The following GOLT1B variants were observed in gnomAD, a reference collection of about 807,000 sequenced individuals.
GOLT1B encodes golgi transport 1B, also known as vesicle transport protein GOT1B.
A neutral mutation model predicts 15.4 loss-of-function variants in GOLT1B; 3 were observed. That is an observed-to-expected ratio of 0.19 (90% confidence interval 0.09 to 0.50). The LOEUF (loss-of-function observed/expected upper bound fraction) is 0.50. GOLT1B is among the 20% of genes least tolerant of loss of function. The pLI, the probability that GOLT1B is intolerant of heterozygous loss-of-function variation, is 0.97. For synonymous variants in GOLT1B, 65 were observed against 56.2 expected (o/e 1.16, Z -0.70); for missense variants, 145 against 160.4 (o/e 0.90, Z 0.52).
At chr12:21,505,465 A>G (rs1011922200) in intron 1 of GOLT1B, among the ~76,000 whole-genome samples, 3 of 152,148 alleles carry the variant, frequency 2.0e-5, no homozygotes, top group Admixed American at 6.5e-5. Context: ...ATCAGCCTCA[A>G]ATTTTCATAG....
At chr12:21,509,673 T>C (rs988924768) in intron 3 of GOLT1B, among the ~76,000 whole-genome samples, 5 of 152,088 alleles carry the variant, frequency 3.3e-5, no homozygotes, top group Non-Finnish European at 7.4e-5. Context: ...GATTAAAAAA[T>C]TAGTAAATTC....
intron 4 of GOLT1B, chr12:21,515,148 C>T (rs1345788761): frequency 1.5e-6 from 1 of 653,240 alleles, no homozygotes; most frequent in African/African-American, 1.8e-5. Flanking sequence ...CACTTTCAAT[C>T]CAAAGTCCAG....
chr12:21,508,518 A>G lies in GOLT1B; in HGVS notation c.253A>G (p.Ile85Val). 3 of 1,588,922 alleles carry G rather than the reference A, an allele frequency of 1.9e-6. No homozygotes were observed. Among genetic ancestry groups the G allele is most frequent in the Non-Finnish European group, 2.6e-6 (3 of 1,159,458 alleles). Residue 85 changes from isoleucine (I) to valine (V), a missense_variant, in exon 3 of 5, where the codon ATA (isoleucine) becomes GTA (valine). Coordinates refer to ENST00000229314, the MANE Select transcript of GOLT1B (RefSeq NM_016072.5). ...VFVVLIGWPL[I>V]GMIFEIYGFF... ...TGTAGTCCTTATTGGTTGGCCTTTGATAGGCATGATCTTCGAAATTTATGG... is the reference window on the plus strand; with the variant it reads ...TGTAGTCCTTATTGGTTGGCCTTTGGTAGGCATGATCTTCGAAATTTATGG...
chr12:21,508,655 T>C (rs1253297734), intron 3 of GOLT1B, 94 bp downstream of exon 3: 1 of 690,492 alleles, frequency 1.4e-6, no homozygotes, highest in East Asian at 2.7e-5. Flanking sequence ...AAGATGATGA[T>C]CATTTCCTTA....
At chr12:21,508,889 G>GTAGATAGA (rs60378515) in intron 3 of GOLT1B, among the ~76,000 whole-genome samples, 3,496 of 65,356 alleles carry the variant, frequency 0.053, 68 homozygotes, top group Admixed American at 0.072. Flanking sequence ...AGGTAGGTAG[G>GTAGATAGA]TAGATAGATA....
At chr12:21,515,278 GA>G in intron 4 of GOLT1B, 1 of 1,390,054 alleles carries the variant, frequency 7.2e-7, no homozygotes, top group Non-Finnish European at 9.8e-7. Flanking sequence ...ATGGTCAGTT[GA>G]AATATCTTAT....
intron 3 of GOLT1B, 75 bp from the exon 4 acceptor site, chr12:21,512,219 CT>C: frequency 1.3e-6 from 1 of 786,358 alleles, no homozygotes; most frequent in South Asian, 1.5e-5. Context: ...AGGATACTTT[CT>C]TTTTCCTTGG....
intron 4 of GOLT1B, among the ~76,000 whole-genome samples, chr12:21,513,285 C>T (rs540843563): frequency 1.3e-5 from 2 of 152,152 alleles, no homozygotes; most frequent in African/African-American, 4.8e-5. Context: ...AGAGTTTCTT[C>T]CTTTTATTCA....
intron 3 of GOLT1B, among the ~76,000 whole-genome samples, chr12:21,508,919 A>AGATAGATAGATAGAGC (rs1555149887): frequency 6.6e-6 from 1 of 151,272 alleles, no homozygotes; most frequent in Admixed American, 6.6e-5. Context: ...ATAGATAGAT[A>AGATAGATAGATAGAGC]GATCCAGCAT....
intron 2 of GOLT1B, among the ~76,000 whole-genome samples, chr12:21,507,512 GTA>G (rs1276956828): frequency 2.9e-5 from 2 of 69,706 alleles, no homozygotes; most frequent in Non-Finnish European, 2.8e-5. Flanking sequence ...TGAAGACACT[GTA>G]TGTGTGTGTG....
At position 21,515,289 on chromosome 12, in the gene GOLT1B, T is replaced by C. The variant is rs529191964; in HGVS notation, c.379-380T>C. Reference sequence around the variant, plus strand: ...AGTAATGGTCAGTTGAAATATCTTATTGGGTTCATTAATGCATGAATGGCT... The same window carrying C: ...AGTAATGGTCAGTTGAAATATCTTACTGGGTTCATTAATGCATGAATGGCT... On this transcript the variant is annotated intron_variant, in intron 4 of 4. Coordinates refer to ENST00000229314, the MANE Select transcript of GOLT1B (RefSeq NM_016072.5). 3.0e-5 allele frequency: 39 copies of C among 1,302,120 alleles called. No individual in the cohort carries two copies. In the Admixed American group the frequency reaches 3.8e-4, roughly 13 times the overall value. 80.7% of individuals were successfully genotyped at this position (1,302,120 alleles called of 1,614,324 possible). A position where few individuals can be genotyped will look rare whatever the true frequency, so the allele number is the denominator to read the frequency against.
intron 1 of GOLT1B, among the ~76,000 whole-genome samples, chr12:21,502,410 G>A (rs1230748202): frequency 5.9e-5 from 9 of 152,190 alleles, no homozygotes; most frequent in Non-Finnish European, 1.2e-4. Context: ...GTCACCTACA[G>A]TAGGCTCTTT....
Position 21,516,453 on chromosome 12 carries a change from C to T in GOLT1B, c.*746C>T, listed in dbSNP as rs573338250. On this transcript the variant is annotated 3_prime_UTR_variant, in exon 5 of 5. Coordinates refer to ENST00000229314, the MANE Select transcript of GOLT1B (RefSeq NM_016072.5). ...AAGTATCTGTCTATATCATTCATTACGTGTAAGTATTTAACAAAAAAGCAT... is the reference window on the plus strand; with the variant it reads ...AAGTATCTGTCTATATCATTCATTATGTGTAAGTATTTAACAAAAAAGCAT... 1.3e-5 allele frequency: 2 copies of T among 152,052 alleles called. No homozygotes were observed. Among genetic ancestry groups the T allele is most frequent in the East Asian group, 1.9e-4 (1 of 5,190 alleles). 9.4% of individuals were successfully genotyped at this position (152,052 alleles called of 1,614,324 possible).
chr12:21,510,005 G>T (rs991182250), intron 3 of GOLT1B, among the ~76,000 whole-genome samples: 1 of 152,110 alleles, frequency 6.6e-6, no homozygotes, highest in South Asian at 2.1e-4. Context: ...CGGGGGAGTG[G>T]GGCACAGAGG....
chr12:21,510,600 C>T (rs904591472), intron 3 of GOLT1B, among the ~76,000 whole-genome samples: 1 of 152,046 alleles, frequency 6.6e-6, no homozygotes, highest in Non-Finnish European at 1.5e-5. Flanking sequence ...TGTTGTTTTT[C>T]TAGATATTTA....
At chr12:21,514,837 CATG>C (rs371122159) in intron 4 of GOLT1B, among the ~76,000 whole-genome samples, 160 of 152,126 alleles carry the variant, frequency 1.1e-3, no homozygotes, top group African/African-American at 3.7e-3. Flanking sequence ...CGTTATTCAT[CATG>C]ATAAGTGCTT....
intron 1 of GOLT1B, chr12:21,504,710 T>C (rs933872425): frequency 4.7e-6 from 2 of 425,240 alleles, no homozygotes; most frequent in Non-Finnish European, 9.5e-6. Context: ...TGCTACCTTT[T>C]ACCTCACAAT....
chr12:21,503,875 C>CA (rs35985504), intron 1 of GOLT1B, among the ~76,000 whole-genome samples: 150,606 of 152,236 alleles, frequency 0.99, 74,522 homozygotes, highest in East Asian at 1. Flanking sequence ...CTCACCGCCC[C>CA]AAAAAAGACA....
chr12:21,515,154 T>C lies in GOLT1B; in HGVS notation c.379-515T>C, dbSNP rs955790064. 1.4e-5 allele frequency: 10 copies of C among 691,812 alleles called. No individual in the cohort carries two copies. In the South Asian group the frequency reaches 1.5e-4, roughly 11 times the overall value. The allele number at this position is 691,812 out of a possible 1,614,324, so 42.9% of individuals were successfully genotyped here. On this transcript the variant is annotated intron_variant, in intron 4 of 4. Transcript: ENST00000229314. Reference sequence around the variant, plus strand: ...TGTCATTACCACTTTCAATCCAAAGTCCAGAATACACATTTAAAGTATTTT... The same window carrying C: ...TGTCATTACCACTTTCAATCCAAAGCCCAGAATACACATTTAAAGTATTTT...
Sources: allele counts gnomAD v4.1 joint callset (sites outside exome capture counted in the v4.1 genomes callset), GRCh38; gene constraint gnomAD v4.1.1; transcripts MANE v1.5; gene names NCBI Gene and HGNC (gene_info 2026-07-23, HGNC 2026-07-21).